FMN1: variants seen among roughly 807,000 people sequenced by gnomAD.
FMN1 encodes the protein formin-1.
FMN1 carries 110 observed loss-of-function variants against 132.4 expected under a neutral mutation model. The observed-to-expected ratio is 0.83, with a 90% CI of 0.71 to 0.97. The LOEUF is 0.97. Among genes scored for constraint, FMN1 ranks in the 50% least tolerant of loss-of-function variants. The pLI is 0.00. For missense variants in FMN1, 1,792 were observed against 1,705.3 expected (o/e 1.05, Z -0.90); for synonymous variants, 722 against 651.7 (o/e 1.11, Z -1.64).
chr15:33,115,583 ACATT>A (rs962572134), intron 4 of FMN1, among the ~76,000 whole-genome samples: 2 of 144,720 alleles, frequency 1.4e-5, no homozygotes, highest in African/African-American at 5.2e-5. Context: ...CCTATCTTTT[ACATT>A]CAAATAATTC....
At chr15:33,107,553 C>CA (rs1470911979) in intron 4 of FMN1, among the ~76,000 whole-genome samples, 1 of 152,060 alleles carries the variant, frequency 6.6e-6, no homozygotes, top group Non-Finnish European at 1.5e-5. Flanking sequence ...GTAATGACAC[C>CA]AACCTCATTC....
At chr15:32,884,283 A>C (rs1214272556) in intron 16 of FMN1, among the ~76,000 whole-genome samples, 2 of 152,128 alleles carry the variant, frequency 1.3e-5, no homozygotes, top group Non-Finnish European at 2.9e-5. Context: ...GGCTCTAGGG[A>C]GAATCTGTTC....
At chr15:32,936,021 C>A (rs371651629) in intron 9 of FMN1, among the ~76,000 whole-genome samples, 67 of 152,262 alleles carry the variant, frequency 4.4e-4, no homozygotes, top group African/African-American at 1.5e-3. Context: ...AAGTCTGCTA[C>A]TGAACCCCAC....
intron 17 of FMN1, among the ~76,000 whole-genome samples, chr15:32,854,739 C>T (rs564888861): frequency 3.5e-4 from 53 of 152,050 alleles, no homozygotes; most frequent in Admixed American, 2.9e-3. Context: ...ATAGTGAAAC[C>T]CCATGTCTAC....
chr15:32,859,099 G>A (rs1006011291), intron 16 of FMN1, among the ~76,000 whole-genome samples: 1 of 152,198 alleles, frequency 6.6e-6, no homozygotes, highest in Non-Finnish European at 1.5e-5. Context: ...AGTGCCATTT[G>A]CTGAGATAGA....
chr15:32,811,112 C>T (rs1284818472), intron 17 of FMN1: 1 of 456,570 alleles, frequency 2.2e-6, no homozygotes, highest in Admixed American at 2.3e-5. Context: ...AAGGGATGGC[C>T]TTTTAACATT....
chr15:33,098,995 G>C (rs1276457124), intron 4 of FMN1, among the ~76,000 whole-genome samples: 1 of 152,128 alleles, frequency 6.6e-6, no homozygotes, highest in Non-Finnish European at 1.5e-5. Context: ...GCCCAGGCGT[G>C]GTGGCTCATG....
intron 7 of FMN1, among the ~76,000 whole-genome samples, chr15:32,981,106 G>A (rs1183614684): frequency 6.6e-6 from 1 of 151,950 alleles, no homozygotes; most frequent in Non-Finnish European, 1.5e-5. Flanking sequence ...GATTTTAAAA[G>A]GAAATTTTTT....
rs1010756107 is a variant in FMN1 at position 33,009,601 on chromosome 15, C to T, written c.2162-1526G>A. 2.6e-5 allele frequency among the ~76,000 whole-genome samples: 4 copies of T among 152,302 alleles called. 1 individual carries two copies. Among genetic ancestry groups the T allele is most frequent in the Admixed American group, 6.5e-5 (1 of 15,302 alleles). The stretch of plus-strand genomic sequence containing the variant: ...AAACAATAATAAAGGATTTCATTTG[C>T]TGACTACTTACTATATATCAGGCAT... On this transcript the variant is annotated intron_variant, in intron 6 of 20. Transcript: ENST00000616417.
intron 9 of FMN1, among the ~76,000 whole-genome samples, chr15:32,953,486 T>C (rs571216217): frequency 1.3e-5 from 2 of 152,134 alleles, no homozygotes; most frequent in African/African-American, 4.8e-5. Context: ...CTTTGTAAGG[T>C]CCGTGTTTAC....
At chr15:32,795,496 C>A (rs993569911) in intron 19 of FMN1, among the ~76,000 whole-genome samples, 3 of 151,948 alleles carry the variant, frequency 2.0e-5, no homozygotes, top group Admixed American at 1.3e-4. Context: ...CCATTTAATT[C>A]CTGCTTCATC....
rs993232160 is a variant in FMN1, at chr15:32,768,647, A to G, written c.*5663T>C. On this transcript the variant is annotated 3_prime_UTR_variant, in exon 21 of 21. Transcript: ENST00000616417. ...TTCTTTGGACGTGATTTTCTGCCTG[A>G]AACTATAGTCTTCTTTGCATTTTGC... 2 of 152,196 alleles carry G rather than the reference A, an allele frequency of 1.3e-5. No homozygotes were observed. Among genetic ancestry groups the G allele is most frequent in the Non-Finnish European group, 2.9e-5 (2 of 68,040 alleles). The allele number at this position is 152,196 out of a possible 1,614,324, so 9.4% of individuals were successfully genotyped here.
intron 6 of FMN1, among the ~76,000 whole-genome samples, chr15:33,042,899 C>T (rs343900): frequency 0.36 from 54,581 of 151,794 alleles, 10,400 homozygotes; most frequent in Admixed American, 0.47. Context: ...TTCCATAGCC[C>T]CAGCTCCCCA....
chr15:33,143,422 T>G (rs777608304), intron 4 of FMN1, among the ~76,000 whole-genome samples: 5 of 152,214 alleles, frequency 3.3e-5, no homozygotes, highest in Non-Finnish European at 5.9e-5. Flanking sequence ...ATAGAACACT[T>G]ACTGAGTATA....
intron 15 of FMN1, among the ~76,000 whole-genome samples, chr15:32,897,320 C>T (rs926766711): frequency 5.3e-5 from 8 of 152,182 alleles, no homozygotes; most frequent in South Asian, 2.1e-4. Flanking sequence ...AGTAAAATTA[C>T]GTGAATGTAT....
At chr15:33,030,020 T>G (rs1324528631) in intron 6 of FMN1, among the ~76,000 whole-genome samples, 1 of 151,902 alleles carries the variant, frequency 6.6e-6, no homozygotes, top group African/African-American at 2.4e-5. Flanking sequence ...TAGCTGGGCG[T>G]GGTGGCGGGT....
chr15:33,097,054 G>A (rs1462445930), intron 4 of FMN1, among the ~76,000 whole-genome samples: 2 of 152,146 alleles, frequency 1.3e-5, no homozygotes, highest in African/African-American at 4.8e-5. Flanking sequence ...AGCACTTTGG[G>A]AGGCCGAGGT....
chr15:32,969,148 A>G lies in FMN1; in HGVS notation c.2553T>C (p.His851=), dbSNP rs200616194. 2 of 1,613,872 alleles carry G rather than the reference A, an allele frequency of 1.2e-6. No individual in the cohort carries two copies. The highest frequency in any genetic ancestry group is 1.3e-5 in the African/African-American group (1 of 75,018). Reference sequence around the variant, plus strand: ...TGCCCTCCATTGGCTGGAGTGCTGCATGGATGTCTTTGTGGTCATTTGGGG... The same window carrying G: ...TGCCCTCCATTGGCTGGAGTGCTGCGTGGATGTCTTTGTGGTCATTTGGGG... ...LSPPNDHKDI[H]AALQPMEGMA... is the part of the protein sequence containing the mutation. Residue 851 remains histidine (H), a synonymous_variant, in exon 8 of 21, where the codon CAT becomes CAC. Transcript: ENST00000616417.
intron 3 of FMN1, among the ~76,000 whole-genome samples, chr15:33,165,413 C>T (rs1392471034): frequency 2.0e-5 from 3 of 152,124 alleles, no homozygotes; most frequent in East Asian, 3.9e-4. Flanking sequence ...TTTTTTGAGA[C>T]GGAGTCTCGC....
Sources: gnomAD v4.1 joint callset for allele counts (sites outside exome capture counted in the v4.1 genomes callset) on GRCh38, gnomAD v4.1.1 for gene constraint, MANE v1.5 for transcripts, NCBI Gene and HGNC (gene_info 2026-07-23, HGNC 2026-07-21) for gene names.